ZNF75D: variants seen among roughly 807,000 people sequenced by gnomAD.
ZNF75D encodes the protein zinc finger protein 75D.
ZNF75D carries 33 observed loss-of-function variants against 33.3 expected under a neutral mutation model. The ratio of observed to expected loss-of-function variants is 0.99; its 90% CI spans 0.75 to 1.32. ZNF75D has a LOEUF of 1.32. Ranked by LOEUF, ZNF75D falls within the 40% of genes most tolerant of loss-of-function variation. ZNF75D has a pLI of 0.00. For missense variants in ZNF75D, 338 were observed against 367.5 expected, an observed-to-expected ratio of 0.92 and a Z score of 0.66; for synonymous variants, 113 against 130.6, an observed-to-expected ratio of 0.87 and a Z score of 0.92.
At chrX:135,320,375 T>C (rs782602025) in intron 1 of ZNF75D, among the ~76,000 whole-genome samples, 3 of 111,178 alleles carry the variant, frequency 2.7e-5, no homozygotes, top group African/African-American at 6.5e-5. Flanking sequence ...GAGCAGAATA[T>C]CCTTAATTCT....
At chrX:135,289,591 G>C (rs2084005524) in intron 6 of ZNF75D, among the ~76,000 whole-genome samples, 1 of 104,990 alleles carries the variant, frequency 9.5e-6, no homozygotes, top group Non-Finnish European at 1.9e-5. Flanking sequence ...ACTCCAGCCT[G>C]GGTGACAGAG....
Position 135,293,889 on chromosome X carries a change from T to C in ZNF75D, c.252A>G (p.Ser84=). 1 of 1,211,634 alleles carries C rather than the reference T, an allele frequency of 8.3e-7. No homozygotes were observed. The change falls in exon 3 of 7, where the codon TCA becomes TCG. Residue 84 remains serine (S), a synonymous_variant. Transcript: ENST00000370766. The stretch of plus-strand genomic sequence containing the variant: ...CCAGCATTTCCAAGATCTGCTCTTT[T>C]GAGTGGATCTCTGGCCTCAGCCACT... ...CHQWLRPEIH[S]KEQILEMLVL... is the part of the protein sequence containing the mutation.
intron 1 of ZNF75D, among the ~76,000 whole-genome samples, chrX:135,314,330 C>T (rs1454057538): frequency 2.7e-5 from 3 of 111,889 alleles, no homozygotes; most frequent in Non-Finnish European, 5.7e-5. Context: ...CTTACATTTC[C>T]TGTTATAACT....
At chrX:135,338,237 T>C (rs190851531) in intron 1 of ZNF75D, among the ~76,000 whole-genome samples, 51 of 111,138 alleles carry the variant, frequency 4.6e-4, no homozygotes, top group African/African-American at 1.6e-3. Flanking sequence ...TCCTGGCTTC[T>C]GCACAAGACA....
intron 1 of ZNF75D, among the ~76,000 whole-genome samples, chrX:135,334,513 G>A (rs2084687007): frequency 8.9e-6 from 1 of 112,175 alleles, no homozygotes; most frequent in Non-Finnish European, 1.9e-5. Context: ...AAAGAAAGCA[G>A]CACAATGCCC....
chrX:135,321,621 G>T (rs375217776), intron 1 of ZNF75D, among the ~76,000 whole-genome samples: 1 of 111,944 alleles, frequency 8.9e-6, no homozygotes, highest in Non-Finnish European at 1.9e-5. Flanking sequence ...CATGTCTAAT[G>T]GCTTTTGTGT....
At chrX:135,316,867 T>C (rs1437597378) in intron 1 of ZNF75D, among the ~76,000 whole-genome samples, 1 of 110,578 alleles carries the variant, frequency 9.0e-6, no homozygotes, top group Non-Finnish European at 1.9e-5. Context: ...CCTAAATTGT[T>C]TTCCTGATTT....
At chrX:135,316,584 GT>G (rs2084423323) in intron 1 of ZNF75D, among the ~76,000 whole-genome samples, 1 of 111,556 alleles carries the variant, frequency 9.0e-6, no homozygotes, top group Non-Finnish European at 1.9e-5. Flanking sequence ...CATTAAATAG[GT>G]TTTCAAAATC....
intron 1 of ZNF75D, among the ~76,000 whole-genome samples, chrX:135,326,851 C>T (rs781823130): frequency 9.0e-5 from 10 of 111,618 alleles, no homozygotes; most frequent in East Asian, 2.8e-4. Context: ...GAAGAGACTC[C>T]GAACACATCC....
chrX:135,287,975 A>G, intron 6 of ZNF75D, 129 bp from the exon 7 acceptor site: 1 of 539,914 alleles, frequency 1.9e-6, no homozygotes, highest in Non-Finnish European at 2.9e-6. Flanking sequence ...TCCAGTCTGG[A>G]CAAAATGGCA....
intron 1 of ZNF75D, among the ~76,000 whole-genome samples, chrX:135,328,709 T>C (rs781979683): frequency 8.9e-6 from 1 of 112,364 alleles, no homozygotes; most frequent in East Asian, 2.8e-4. Flanking sequence ...CCTCTTCACT[T>C]TCCCAATGCA....
At position 135,301,095 on chromosome X, in the gene ZNF75D, A is replaced by T. The variant is rs1431088589; in HGVS notation, c.-390-5056T>A. On this transcript the variant is annotated intron_variant, in intron 1 of 6. Transcript: ENST00000370766. ...TCATGACAGAATGTGAAGGGGAAGC[A>T]GGCACCTTATTCACAAGGTGGCAAG... 6.2e-5 allele frequency among the ~76,000 whole-genome samples: 7 copies of T among 112,026 alleles called. No homozygotes were observed. In the South Asian group the frequency reaches 2.3e-3, roughly 36 times the overall value.
intron 1 of ZNF75D, among the ~76,000 whole-genome samples, chrX:135,271,927 TTTG>T (rs1448087307): frequency 3.6e-5 from 4 of 111,144 alleles, no homozygotes; most frequent in East Asian, 2.8e-4. Flanking sequence ...ATGATTGTTT[TTTG>T]TTGTTGTTTT....
chrX:135,262,789 C>A (rs1195095573), intron 1 of ZNF75D, among the ~76,000 whole-genome samples: 2 of 112,451 alleles, frequency 1.8e-5, no homozygotes, highest in Non-Finnish European at 3.8e-5. Context: ...CCCAAGCCTA[C>A]CTTTGTCAAC....
At chrX:135,258,919 C>T (rs189644424) in intron 1 of ZNF75D, among the ~76,000 whole-genome samples, 4 of 112,016 alleles carry the variant, frequency 3.6e-5, no homozygotes, top group East Asian at 2.8e-4. Context: ...AGGGTTTTTA[C>T]GGTTTTAGGT....
At chrX:135,339,489 G>A (rs1345945141) in intron 1 of ZNF75D, among the ~76,000 whole-genome samples, 5 of 111,825 alleles carry the variant, frequency 4.5e-5, no homozygotes, top group Admixed American at 3.8e-4. Context: ...GTTGGTGTGG[G>A]GCACTGAGGG....
chrX:135,330,520 A>G (rs1406684476), intron 1 of ZNF75D: 1 of 111,602 alleles, frequency 9.0e-6, no homozygotes, highest in African/African-American at 3.3e-5. Flanking sequence ...TCCCCCAACA[A>G]TGTGCTGAGT....
At chrX:135,302,249 G>A (rs1177691637) in intron 1 of ZNF75D, among the ~76,000 whole-genome samples, 1 of 112,470 alleles carries the variant, frequency 8.9e-6, no homozygotes, top group Admixed American at 9.4e-5. Context: ...CATCAAAGGT[G>A]AAGCAAGGAT....
Position 135,320,564 on chromosome X carries a change from A to C in ZNF75D, c.-391+21204T>G, listed in dbSNP as rs967422049. Reference sequence around the variant, plus strand: ...TTTATTGTATATACATGATACTGACAATTGCTTTGAAATATTTTTGATGGT... The same window carrying C: ...TTTATTGTATATACATGATACTGACCATTGCTTTGAAATATTTTTGATGGT... On this transcript the variant is annotated intron_variant, in intron 1 of 6. Transcript: ENST00000370766. Among the ~76,000 whole-genome samples, 3 of 111,634 alleles carry C rather than the reference A, an allele frequency of 2.7e-5. No individual in the cohort carries two copies. In the Admixed American group the frequency reaches 2.8e-4, roughly 11 times the overall value.
Sources: gnomAD v4.1 joint callset for allele counts (sites outside exome capture counted in the v4.1 genomes callset) on GRCh38, gnomAD v4.1.1 for gene constraint, MANE v1.5 for transcripts, NCBI Gene and HGNC (gene_info 2026-07-23, HGNC 2026-07-21) for gene names.